STAT3: variants seen among roughly 807,000 people sequenced by gnomAD.
STAT3 encodes signal transducer and activator of transcription 3, also known as DNA-binding protein APRF.
Under a neutral mutation model 114.3 loss-of-function variants are expected in STAT3, and 7 were observed. That is an observed-to-expected ratio of 0.06 (90% CI 0.03 to 0.11). The LOEUF is 0.11. Among genes scored for constraint, STAT3 ranks in the 10% least tolerant of loss-of-function variants. The pLI, the probability that STAT3 is intolerant of heterozygous loss-of-function variation, is 1.00. For synonymous variants in STAT3, 331 were observed against 354.5 expected (o/e 0.93, Z 0.74); for missense variants, 364 against 960.9 (o/e 0.38, Z 8.21).
chr17:42,376,081 G>A (rs2084437855), intron 1 of STAT3, among the ~76,000 whole-genome samples: 1 of 151,658 alleles, frequency 6.6e-6, no homozygotes, highest in Non-Finnish European at 1.5e-5. Flanking sequence ...AACCTGGGAG[G>A]TGGAGGTTGC....
At chr17:42,372,829 ACAGTGAGAC>A (rs1346999007) in intron 1 of STAT3, among the ~76,000 whole-genome samples, 14 of 152,068 alleles carry the variant, frequency 9.2e-5, no homozygotes, top group Admixed American at 3.9e-4. Context: ...CCTGGACAAC[ACAGTGAGAC>A]CCTACCTCTA....
At chr17:42,339,454 G>A (rs2082353853) in intron 4 of STAT3, 45 bp from the exon 5 acceptor site, 1 of 1,591,136 alleles carries the variant, frequency 6.3e-7, no homozygotes, top group South Asian at 1.1e-5. Context: ...AGAACTATGG[G>A]GAGAGGAATA....
At position 42,314,161 on chromosome 17, in the gene STAT3, C is replaced by A. The variant is rs1210748114; in HGVS notation, c.*1584G>T. The stretch of plus-strand genomic sequence containing the variant: ...GCCCCAGCAGGGAGGAGTCACCAGC[C>A]TCAGAGGGAGGCCAGGTATACACCC... On this transcript the variant is annotated 3_prime_UTR_variant, in exon 24 of 24. Transcript: ENST00000264657. 1.3e-5 allele frequency: 3 copies of A among 232,384 alleles called. No homozygotes were observed. Among genetic ancestry groups the A allele is most frequent in the African/African-American group, 6.6e-5 (3 of 45,244 alleles). 14.4% of individuals were successfully genotyped at this position (232,384 alleles called of 1,614,324 possible). A position where few individuals can be genotyped will look rare whatever the true frequency, so the allele number is the denominator to read the frequency against.
intron 1 of STAT3, among the ~76,000 whole-genome samples, chr17:42,385,366 G>A (rs942776498): frequency 1.3e-5 from 2 of 151,818 alleles, no homozygotes; most frequent in South Asian, 2.1e-4. Flanking sequence ...AAAATTAGCC[G>A]GGCGTAGTGG....
chr17:42,351,956 G>A (rs910831529), intron 1 of STAT3, among the ~76,000 whole-genome samples: 4 of 151,638 alleles, frequency 2.6e-5, no homozygotes, highest in African/African-American at 9.7e-5. Flanking sequence ...AGTAGACAGG[G>A]TTTTACCATG....
chr17:42,317,316 T>G, intron 21 of STAT3, 92 bp from the exon 22 acceptor site: 1 of 1,429,296 alleles, frequency 7.0e-7, no homozygotes, highest in South Asian at 1.2e-5. Context: ...CAGGACTGAT[T>G]TGAAACTCAC....
At position 42,337,352 on chromosome 17, in the gene STAT3, T is replaced by C; in HGVS notation, c.797+83A>G. 1.3e-6 allele frequency: 2 copies of C among 1,574,458 alleles called. No homozygotes were observed. Among genetic ancestry groups the C allele is most frequent in the South Asian group, 2.3e-5 (2 of 87,088 alleles). ...AAAAGTCCCCACGTTGGAGATATAG[T>C]ACCAATTCTGTGGGCCTGCAGTTAA... On this transcript the variant is annotated intron_variant, in intron 8 of 23. Coordinates refer to ENST00000264657, the MANE Select transcript of STAT3 (RefSeq NM_139276.3). This position sits in a 1 kb window ranked among gnomAD's most constrained non-coding sequence, Gnocchi z 4.0.
chr17:42,325,152 G>T, intron 15 of STAT3, 91 bp from the exon 16 acceptor site: 5 of 1,267,924 alleles, frequency 3.9e-6, no homozygotes, highest in South Asian at 3.8e-5. Context: ...GGCTCAGAAT[G>T]AAAGGACATG....
At chr17:42,362,595 G>C (rs140563142) in intron 1 of STAT3, among the ~76,000 whole-genome samples, 1 of 152,298 alleles carries the variant, frequency 6.6e-6, no homozygotes, top group South Asian at 2.1e-4. Flanking sequence ...CCACCACTTC[G>C]ATCACTTAGC....
chr17:42,322,464 T>A lies in STAT3; in HGVS notation c.1919A>T (p.Tyr640Phe), dbSNP rs769031989. 3 of 1,614,036 alleles carry A rather than the reference T, an allele frequency of 1.9e-6. No homozygotes were observed. The highest frequency in any genetic ancestry group is 2.5e-6 in the Non-Finnish European group (3 of 1,179,992). ...CATGTTGTTCAGCTGCTGCTTTGTG[T>A]ATGGTTCCACGGACTGGATCTGGGT... ...GKTQIQSVEPYTKQQLNNMSF... is the reference protein window; with the variant it reads ...GKTQIQSVEPFTKQQLNNMSF... The change falls in exon 21 of 24, where the codon TAC (tyrosine) becomes TTC (phenylalanine). Residue 640 changes from tyrosine to phenylalanine, a missense_variant. Physicochemically the swap from Tyr to Phe is conservative, Grantham distance 22. Around this residue, in one of 5 missense-constraint regions of STAT3, gnomAD observed 11 missense variants for 85.2 expected, o/e 0.13. Transcript: ENST00000264657.
intron 15 of STAT3, 70 bp from the exon 16 acceptor site, chr17:42,325,131 G>A (rs748476928): frequency 2.2e-4 from 314 of 1,419,366 alleles, no homozygotes; most frequent in Non-Finnish European, 3.0e-4. Flanking sequence ...CTCTTCACCC[G>A]CATCTCACGG....
At chr17:42,344,044 G>A (rs1014309418) in intron 4 of STAT3, among the ~76,000 whole-genome samples, 1 of 152,138 alleles carries the variant, frequency 6.6e-6, no homozygotes, top group African/African-American at 2.4e-5. Context: ...CTTATCTTTT[G>A]CTGTTTTTAC....
At position 42,337,400 on chromosome 17, in the gene STAT3, C is replaced by G; in HGVS notation, c.797+35G>C. 6.2e-7 allele frequency: 1 copy of G among 1,610,984 alleles called. No homozygotes were observed. Among genetic ancestry groups the G allele is most frequent in the East Asian group, 2.2e-5 (1 of 44,792 alleles). ...TAAGATCAGAATTCAATCTAGCTTT[C>G]GAGAAAGAAAGGAAAAGCTTCTTTC... On this transcript the variant is annotated intron_variant, in intron 8 of 23. Coordinates refer to ENST00000264657, the MANE Select transcript of STAT3 (RefSeq NM_139276.3). This position sits in a 1 kb window ranked among gnomAD's most constrained non-coding sequence, Gnocchi z 4.0.
intron 1 of STAT3, among the ~76,000 whole-genome samples, chr17:42,382,112 C>A (rs141121783): frequency 6.6e-6 from 1 of 152,224 alleles, no homozygotes; most frequent in East Asian, 1.9e-4. Context: ...CTTTTTGTAA[C>A]GCAACTTCGT....
chr17:42,351,396 C>G (rs1451735723), intron 1 of STAT3, among the ~76,000 whole-genome samples: 1 of 151,964 alleles, frequency 6.6e-6, no homozygotes, highest in Non-Finnish European at 1.5e-5. Context: ...AGATGCGCAC[C>G]ACATCTGGCT....
chr17:42,332,155 G>A (rs1201191681), intron 10 of STAT3, among the ~76,000 whole-genome samples: 4 of 151,310 alleles, frequency 2.6e-5, no homozygotes, highest in African/African-American at 9.7e-5. Flanking sequence ...TCGAACTCCC[G>A]ACCTCAGGTG....
rs750197703 is a variant in STAT3 at position 42,338,712 on chromosome 17, A to G, written c.550+19T>C. ...AAACTCACTTTCTAGAGATTTTAAC[A>G]TCTCTAATATTCACTTGCCTCCTTG... On this transcript the variant is annotated intron_variant, in intron 6 of 23. Transcript: ENST00000264657. 2 of 1,598,346 alleles carry G rather than the reference A, an allele frequency of 1.3e-6. No individual in the cohort carries two copies. Among genetic ancestry groups the G allele is most frequent in the South Asian group, 2.2e-5 (2 of 90,760 alleles).
At chr17:42,381,835 G>A (rs1380879747) in intron 1 of STAT3, among the ~76,000 whole-genome samples, 1 of 151,688 alleles carries the variant, frequency 6.6e-6, no homozygotes, top group East Asian at 1.9e-4. Context: ...CAATTAACAG[G>A]ATACATGTAA....
At chr17:42,315,952 T>A in intron 23 of STAT3, 152 bp from the exon 24 acceptor site, 1 of 1,532,716 alleles carries the variant, frequency 6.5e-7, no homozygotes, top group Non-Finnish European at 8.7e-7. Flanking sequence ...AAAGCCAGAT[T>A]TACCCTCCTC....
Sources: gnomAD v4.1 joint callset for allele counts (sites outside exome capture counted in the v4.1 genomes callset) on GRCh38, gnomAD v4.1.1 for gene constraint, gnomAD v4.1.1 regional missense constraint, Gnocchi (gnomAD v3.1) non-coding constraint, MANE v1.5 for transcripts, NCBI Gene and HGNC (gene_info 2026-07-23, HGNC 2026-07-21) for gene names.